Variants in BRAP observed in about 807,000 individuals in gnomAD.
BRAP encodes BRCA1-associated protein.
BRAP carries 42 observed loss-of-function variants against 73.4 expected under a neutral mutation model. The observed-to-expected ratio is 0.57, with a 90% confidence interval of 0.45 to 0.74. The LOEUF is 0.74. Ranked by LOEUF, BRAP falls within the 30% of genes least tolerant of loss-of-function variation. BRAP has a pLI of 0.00. For synonymous variants in BRAP, 255 were observed against 267.4 expected, an observed-to-expected ratio of 0.95 and a Z score of 0.45; for missense variants, 593 against 751.4, an observed-to-expected ratio of 0.79 and a Z score of 2.46.
intron 9 of BRAP, among the ~76,000 whole-genome samples, chr12:111,657,258 G>A (rs1389584584): frequency 6.6e-6 from 1 of 152,008 alleles, no homozygotes; most frequent in African/African-American, 2.4e-5. Flanking sequence ...TGGCCAGGCT[G>A]GTCTCAAACT....
At chr12:111,649,186 G>A (rs1219806384) in intron 11 of BRAP, among the ~76,000 whole-genome samples, 1 of 152,040 alleles carries the variant, frequency 6.6e-6, no homozygotes, top group African/African-American at 2.4e-5. Context: ...ACAGGGTCTC[G>A]CTGTTGCCCA....
chr12:111,662,564 T>C (rs1227485806), intron 6 of BRAP, among the ~76,000 whole-genome samples: 1 of 151,586 alleles, frequency 6.6e-6, no homozygotes, highest in Non-Finnish European at 1.5e-5. Context: ...AAAAAAGCTA[T>C]AACTAGTAAC....
intron 5 of BRAP, among the ~76,000 whole-genome samples, chr12:111,671,993 G>A (rs976664627): frequency 3.9e-5 from 6 of 152,068 alleles, no homozygotes; most frequent in Non-Finnish European, 8.8e-5. Context: ...AAAGAGCTGG[G>A]ATTATAGGCA....
At chr12:111,673,683 A>G (rs188266934) in intron 4 of BRAP, among the ~76,000 whole-genome samples, 97 of 152,230 alleles carry the variant, frequency 6.4e-4, no homozygotes, top group African/African-American at 2.3e-3. Flanking sequence ...GAGGTCTTAA[A>G]CCGCCACCTA....
At chr12:111,676,460 C>A (rs900163399) in intron 4 of BRAP, among the ~76,000 whole-genome samples, 2 of 152,080 alleles carry the variant, frequency 1.3e-5, no homozygotes, top group Non-Finnish European at 1.5e-5. Flanking sequence ...GTTGCCCAGG[C>A]TGGAGTACAG....
At chr12:111,685,502 G>T in intron 1 of BRAP, 1 of 1,211,712 alleles carries the variant, frequency 8.3e-7, no homozygotes, top group Non-Finnish European at 1.1e-6. Context: ...ACGGCACAGG[G>T]AGGGAGGTTC....
chr12:111,651,256 T>C lies in BRAP; in HGVS notation c.1312-1214A>G, dbSNP rs11065993. ...ATAATAATAATAATAATAATAATAA[T>C]AGGCCGGGCATGATGGCTCACGCCT... On this transcript the variant is annotated intron_variant, in intron 10 of 11. Transcript: ENST00000419234. Among the ~76,000 whole-genome samples, 5,844 of 149,958 alleles carry C rather than the reference T, an allele frequency of 0.039. 1,138 individuals carry two copies. In the East Asian group the frequency reaches 0.62, roughly 16 times the overall value.
chr12:111,652,380 C>T (rs1312910607), intron 10 of BRAP, among the ~76,000 whole-genome samples: 2 of 152,018 alleles, frequency 1.3e-5, no homozygotes, highest in Non-Finnish European at 2.9e-5. Context: ...CCCGCTACCA[C>T]GTCCAGCTAA....
intron 11 of BRAP, among the ~76,000 whole-genome samples, chr12:111,647,976 G>A (rs1886171662): frequency 6.6e-6 from 1 of 152,136 alleles, no homozygotes; most frequent in Non-Finnish European, 1.5e-5. Context: ...GCTGAGGTGG[G>A]AGGATCACCT....
At position 111,644,498 on chromosome 12, in the gene BRAP, T is replaced by TCAA. The variant is rs753891708; in HGVS notation, c.1479_1480insTTG (p.Met493_Asn494insLeu). 1.9e-6 allele frequency: 3 copies of TCAA among 1,614,178 alleles called. No individual in the cohort carries two copies. Among genetic ancestry groups the TCAA allele is most frequent in the Non-Finnish European group, 1.7e-6 (2 of 1,180,022 alleles). ...ACTTGGTTGGCTCGCAAACACTTGT[T>TCAA]CATTTCCTGCTCCTCTTTGAGCTCG... On this transcript the variant is annotated inframe_insertion, in exon 12 of 12. Coordinates refer to ENST00000419234, the MANE Select transcript of BRAP (RefSeq NM_006768.5).
chr12:111,645,274 G>A (rs1272320948), intron 11 of BRAP, among the ~76,000 whole-genome samples: 1 of 152,202 alleles, frequency 6.6e-6, no homozygotes, highest in African/African-American at 2.4e-5. Context: ...TCACCATCTT[G>A]GCCAGGCTGG....
chr12:111,673,849 G>A (rs1251024872), intron 4 of BRAP, among the ~76,000 whole-genome samples: 6 of 152,176 alleles, frequency 3.9e-5, no homozygotes, highest in African/African-American at 1.4e-4. Context: ...GCACATGTGC[G>A]TCTATGAAAT....
intron 4 of BRAP, among the ~76,000 whole-genome samples, chr12:111,678,059 C>T (rs1244092366): frequency 6.6e-6 from 1 of 151,582 alleles, no homozygotes; most frequent in African/African-American, 2.4e-5. Flanking sequence ...TTGAGACCAG[C>T]CTGACCAACA....
At chr12:111,685,185 G>A (rs1048293294) in intron 1 of BRAP, among the ~76,000 whole-genome samples, 4 of 152,178 alleles carry the variant, frequency 2.6e-5, no homozygotes, top group Non-Finnish European at 4.4e-5. Flanking sequence ...TGTGTAAGAG[G>A]TACATGTCAC....
At chr12:111,684,589 A>G (rs1411880337) in intron 1 of BRAP, among the ~76,000 whole-genome samples, 1 of 152,146 alleles carries the variant, frequency 6.6e-6, no homozygotes, top group Non-Finnish European at 1.5e-5. Context: ...CCTCCATGAT[A>G]CTGCTGGTGC....
In BRAP at chr12:111,658,821, G is replaced by A; in HGVS notation, c.1136C>T (p.Ala379Val). ...AGDNYVHRLV[A>V]SKTDGKIVQY... ...TACTATTTTTCCATCTGTTTTACTT[G>A]CAACCAGTCGATGAACATAGTTATC... Residue 379 changes from alanine to valine, a missense_variant, in exon 9 of 12, where the codon GCA becomes GTA. Physicochemically the swap from Ala to Val is moderately conservative, Grantham distance 64 (BLOSUM62 0). Around this residue, in one of 4 missense-constraint regions of BRAP, gnomAD observed 143 missense variants for 190.4 expected, o/e 0.75. Coordinates refer to ENST00000419234, the MANE Select transcript of BRAP (RefSeq NM_006768.5). 1.2e-6 allele frequency: 2 copies of A among 1,610,990 alleles called. No homozygotes were observed. Among genetic ancestry groups the A allele is most frequent in the Non-Finnish European group, 1.7e-6 (2 of 1,177,576 alleles).
At chr12:111,662,978 C>T (rs1197817904) in intron 6 of BRAP, among the ~76,000 whole-genome samples, 2 of 147,404 alleles carry the variant, frequency 1.4e-5, no homozygotes, top group African/African-American at 5.0e-5. Flanking sequence ...CTAAAAACAA[C>T]AGAATTAGAT....
intron 5 of BRAP, chr12:111,669,830 C>T: frequency 1.7e-6 from 1 of 601,494 alleles, no homozygotes; most frequent in Non-Finnish European, 2.8e-6. Context: ...CCACCCCACA[C>T]CCCAATTTCA....
intron 10 of BRAP, among the ~76,000 whole-genome samples, chr12:111,651,395 G>A (rs1422338953): frequency 6.6e-6 from 1 of 151,690 alleles, no homozygotes; most frequent in South Asian, 2.1e-4. Context: ...AACATTAGTC[G>A]GGCACAGTGG....
Sources: allele counts gnomAD v4.1 joint callset (sites outside exome capture counted in the v4.1 genomes callset), GRCh38; gene constraint gnomAD v4.1.1; regional missense constraint gnomAD v4.1.1; transcripts MANE v1.5; gene names NCBI Gene and HGNC (gene_info 2026-07-23, HGNC 2026-07-21).